MYO3B: variants seen among roughly 807,000 people sequenced by gnomAD.
The protein encoded by MYO3B is myosin-IIIb.
A neutral mutation model predicts 174.6 loss-of-function variants in MYO3B; 156 were observed. That is an observed-to-expected ratio of 0.89 (90% CI 0.78 to 1.02). The LOEUF (loss-of-function observed/expected upper bound fraction) is 1.02. Among genes scored for constraint, MYO3B ranks in the 50% least tolerant of loss-of-function variants. The pLI, the probability that MYO3B is intolerant of heterozygous loss-of-function variation, is 0.00. For missense variants in MYO3B, 1,632 were observed against 1,639.4 expected (o/e 1.00, Z 0.08); for synonymous variants, 563 against 569.1 (o/e 0.99, Z 0.15).
chr2:170,434,519 G>A (rs1376303101), intron 22 of MYO3B, among the ~76,000 whole-genome samples: 1 of 152,124 alleles, frequency 6.6e-6, no homozygotes, highest in Non-Finnish European at 1.5e-5. Context: ...AGACCACACA[G>A]GCTAAGCTAA....
At chr2:170,219,086 T>G (rs1574599922) in intron 6 of MYO3B, among the ~76,000 whole-genome samples, 1 of 152,244 alleles carries the variant, frequency 6.6e-6, no homozygotes, top group Admixed American at 6.5e-5. Flanking sequence ...TCATCTGGAA[T>G]GGCCCCCAGG....
At chr2:170,346,901 C>T (rs1289708884) in intron 8 of MYO3B, among the ~76,000 whole-genome samples, 1 of 152,178 alleles carries the variant, frequency 6.6e-6, no homozygotes, top group Non-Finnish European at 1.5e-5. Flanking sequence ...ATCATGATCG[C>T]TTAGTGACAT....
chr2:170,188,793 T>C (rs527600365), intron 1 of MYO3B, among the ~76,000 whole-genome samples: 1 of 152,172 alleles, frequency 6.6e-6, no homozygotes, highest in Non-Finnish European at 1.5e-5. Context: ...GCTGTTCATA[T>C]CTTATTGTAC....
At chr2:170,320,610 G>A (rs1010886581) in intron 7 of MYO3B, among the ~76,000 whole-genome samples, 15 of 151,690 alleles carry the variant, frequency 9.9e-5, no homozygotes, top group East Asian at 5.8e-4. Context: ...GATATCGATT[G>A]GTATACACTT....
intron 32 of MYO3B, among the ~76,000 whole-genome samples, chr2:170,547,812 A>G (rs1019504268): frequency 3.9e-5 from 6 of 152,208 alleles, no homozygotes; most frequent in African/African-American, 1.4e-4. Context: ...CAGACAAGTA[A>G]GTCAATTATG....
chr2:170,539,698 T>C (rs1689961120), intron 30 of MYO3B, among the ~76,000 whole-genome samples: 1 of 151,986 alleles, frequency 6.6e-6, no homozygotes, highest in African/African-American at 2.4e-5. Context: ...TGGCTCAGTG[T>C]AGCCTCGACC....
intron 34 of MYO3B, among the ~76,000 whole-genome samples, 183 bp from the exon 35 acceptor site, chr2:170,652,800 T>C (rs184728723): frequency 1.3e-5 from 2 of 152,284 alleles, no homozygotes; most frequent in Non-Finnish European, 2.9e-5. Context: ...GGTGAAGGGC[T>C]TTGTAGATCA....
intron 7 of MYO3B, among the ~76,000 whole-genome samples, chr2:170,289,556 CT>C (rs1333149518): frequency 3.3e-5 from 5 of 151,548 alleles, no homozygotes; most frequent in African/African-American, 1.2e-4. Flanking sequence ...GTTTTAATGT[CT>C]TTTTTTTCAT....
At chr2:170,460,912 T>G (rs1559023189) in intron 23 of MYO3B, among the ~76,000 whole-genome samples, 1 of 152,238 alleles carries the variant, frequency 6.6e-6, no homozygotes, top group Non-Finnish European at 1.5e-5. Context: ...GTATTCCTTT[T>G]AAATTGTGTT....
At chr2:170,343,078 C>CACA (rs1379953045) in intron 8 of MYO3B, among the ~76,000 whole-genome samples, 2 of 142,452 alleles carry the variant, frequency 1.4e-5, no homozygotes, top group African/African-American at 5.1e-5. Context: ...CACACACACA[C>CACA]CCCTCTCCAC....
rs1319642967 is a variant in MYO3B at position 170,403,006 on chromosome 2, A to G, written c.2277+11A>G. On this transcript the variant is annotated intron_variant, in intron 19 of 34. Transcript: ENST00000408978. ...TTTGCTCTTGAGCAGGTAATAGTGA[A>G]CTCTGAGGTAACTAAACTTGATGGG... The G allele has an allele frequency of 1.3e-6, 2 of 1,564,716 alleles. No individual in the cohort carries two copies. The highest frequency in any genetic ancestry group is 2.4e-5 in the South Asian group (2 of 84,648).
chr2:170,614,080 C>T (rs1024751125), intron 32 of MYO3B, among the ~76,000 whole-genome samples: 3 of 152,146 alleles, frequency 2.0e-5, no homozygotes, highest in African/African-American at 7.2e-5. Flanking sequence ...CTTCAATCCT[C>T]GTGCTCTCTC....
intron 6 of MYO3B, among the ~76,000 whole-genome samples, chr2:170,225,311 C>T (rs974202842): frequency 6.6e-6 from 1 of 152,188 alleles, no homozygotes; most frequent in African/African-American, 2.4e-5. Flanking sequence ...GGTGATGCCA[C>T]CAGAGTTTGA....
intron 28 of MYO3B, among the ~76,000 whole-genome samples, chr2:170,504,262 A>G (rs542134757): frequency 2.0e-5 from 3 of 152,340 alleles, no homozygotes; most frequent in South Asian, 4.1e-4. Flanking sequence ...TTTGAAATTT[A>G]GATTCTGTGG....
intron 7 of MYO3B, among the ~76,000 whole-genome samples, chr2:170,249,072 C>T (rs1181760638): frequency 1.3e-5 from 2 of 152,172 alleles, no homozygotes; most frequent in African/African-American, 4.8e-5. Flanking sequence ...AACATCCAGG[C>T]CTTTGCAGGC....
At chr2:170,520,535 G>A (rs1307991985) in intron 30 of MYO3B, among the ~76,000 whole-genome samples, 1 of 151,252 alleles carries the variant, frequency 6.6e-6, no homozygotes, top group African/African-American at 2.4e-5. Context: ...TCTCATTTGG[G>A]GGAGATATAT....
chr2:170,491,227 A>G (rs1466200316), intron 25 of MYO3B, among the ~76,000 whole-genome samples: 1 of 152,096 alleles, frequency 6.6e-6, no homozygotes, highest in Non-Finnish European at 1.5e-5. Context: ...TCAAATCTTG[A>G]TACATTGTAT....
At chr2:170,448,171 T>C (rs1446239278) in intron 23 of MYO3B, among the ~76,000 whole-genome samples, 1 of 152,146 alleles carries the variant, frequency 6.6e-6, no homozygotes, top group East Asian at 1.9e-4. Context: ...GGATTTGTTT[T>C]GGGAAAGGGC....
intron 32 of MYO3B, among the ~76,000 whole-genome samples, chr2:170,617,660 C>T (rs970576423): frequency 6.6e-6 from 1 of 152,142 alleles, no homozygotes; most frequent in Non-Finnish European, 1.5e-5. Flanking sequence ...AGGCGCAACC[C>T]CTGCCCCTTT....
Sources: gnomAD v4.1 joint callset for allele counts (sites outside exome capture counted in the v4.1 genomes callset) on GRCh38, gnomAD v4.1.1 for gene constraint, MANE v1.5 for transcripts, NCBI Gene and HGNC (gene_info 2026-07-23, HGNC 2026-07-21) for gene names.